FAAH2: variants seen among roughly 807,000 people sequenced by gnomAD.
FAAH2 encodes the protein fatty acid amide hydrolase 2.
In FAAH2, 60 loss-of-function variants were observed where a neutral mutation model predicts 36.9. The ratio of observed to expected loss-of-function variants is 1.63; its 90% confidence interval spans 1.32 to 2.02. The LOEUF (loss-of-function observed/expected upper bound fraction) is 2.02. Ranked by LOEUF, FAAH2 falls within the 30% of genes most tolerant of loss-of-function variation. The pLI is 0.00. For missense variants in FAAH2, 689 were observed against 397.5 expected (o/e 1.73, Z -6.23); for synonymous variants, 214 against 143.8 (o/e 1.49, Z -3.49).
intron 5 of FAAH2, among the ~76,000 whole-genome samples, chrX:57,345,035 T>C (rs2053783585): frequency 9.0e-6 from 1 of 110,549 alleles, no homozygotes; most frequent in Non-Finnish European, 1.9e-5. Flanking sequence ...AGGGATATAG[T>C]CATGACTTTT....
chrX:57,207,554 G>C, the FAAH2 span, among the ~76,000 whole-genome samples: 2 of 112,104 alleles, frequency 1.8e-5, no homozygotes, highest in Non-Finnish European at 3.8e-5. Context: ...AAATCCTCCT[G>C]TTCGTTTAGT....
At chrX:57,279,265 T>C in the FAAH2 span, among the ~76,000 whole-genome samples, 1 of 112,558 alleles carries the variant, frequency 8.9e-6, no homozygotes, top group Non-Finnish European at 1.9e-5. Context: ...TGGAATACTA[T>C]GCAGCCATAA....
At chrX:57,264,220 C>T in the FAAH2 span, among the ~76,000 whole-genome samples, 1 of 111,467 alleles carries the variant, frequency 9.0e-6, no homozygotes, top group South Asian at 3.7e-4. Flanking sequence ...ATCAATTGTA[C>T]CAGACCAACA....
Position 57,434,817 on chromosome X carries a change from A to G in FAAH2, c.1116+2780A>G, listed in dbSNP as rs150485263. On this transcript the variant is annotated intron_variant, in intron 8 of 10. Transcript: ENST00000374900. Reference sequence around the variant, plus strand: ...CCAAGACAAATACATTGCAAAAGGCATATTAAATCAGTATATCTAAAGTCA... The same window carrying G: ...CCAAGACAAATACATTGCAAAAGGCGTATTAAATCAGTATATCTAAAGTCA... 7.2e-3 allele frequency among the ~76,000 whole-genome samples: 801 copies of G among 111,565 alleles called. 4 individuals carry two copies. The highest frequency in any genetic ancestry group is 0.012 in the South Asian group (32 of 2,675).
chrX:57,296,024 G>A (rs1479737778), intron 2 of FAAH2, among the ~76,000 whole-genome samples: 1 of 112,413 alleles, frequency 8.9e-6, no homozygotes, highest in East Asian at 2.8e-4. Context: ...CCACCTCTGG[G>A]GGCAGGACAC....
intron 7 of FAAH2, among the ~76,000 whole-genome samples, chrX:57,382,785 C>T (rs2054890817): frequency 9.0e-6 from 1 of 111,147 alleles, no homozygotes; most frequent in African/African-American, 3.3e-5. Context: ...GAAACTATTC[C>T]AATCAATAGA....
At chrX:57,341,201 A>G (rs2053676924) in intron 4 of FAAH2, 70 bp from the exon 5 acceptor site, 1 of 1,084,563 alleles carries the variant, frequency 9.2e-7, no homozygotes, top group Non-Finnish European at 1.2e-6. Context: ...AAGTGAAAAG[A>G]TGGAAAAAGA....
intron 3 of FAAH2, among the ~76,000 whole-genome samples, chrX:57,311,711 T>C (rs1430114364): frequency 8.9e-6 from 1 of 112,312 alleles, no homozygotes; most frequent in Non-Finnish European, 1.9e-5. Flanking sequence ...ACTCCCAGCA[T>C]CCATGCCTAG....
At chrX:57,132,477 G>A in the FAAH2 span, among the ~76,000 whole-genome samples, 1 of 111,968 alleles carries the variant, frequency 8.9e-6, no homozygotes, top group African/African-American at 3.2e-5. Context: ...ATCTTCAAAG[G>A]AAGACCAGAA....
At chrX:57,149,240 C>A in the FAAH2 span, among the ~76,000 whole-genome samples, 4 of 111,137 alleles carry the variant, frequency 3.6e-5, no homozygotes, top group African/African-American at 9.8e-5. Flanking sequence ...TGTCTCTGCC[C>A]GGCTTTGGTA....
intron 5 of FAAH2, among the ~76,000 whole-genome samples, chrX:57,345,128 T>C (rs2053787147): frequency 2.8e-5 from 3 of 108,872 alleles, no homozygotes; most frequent in Admixed American, 9.9e-5. Context: ...TCAATTTTTT[T>C]TTTTTTTTGG....
chrX:57,275,870 T>G, the FAAH2 span, among the ~76,000 whole-genome samples: 6 of 111,922 alleles, frequency 5.4e-5, no homozygotes, highest in Non-Finnish European at 7.5e-5. Context: ...CAAGAAGATC[T>G]AACTATCCTA....
the FAAH2 span, among the ~76,000 whole-genome samples, chrX:57,167,470 G>T: frequency 5.4e-5 from 6 of 111,892 alleles, no homozygotes; most frequent in Non-Finnish European, 1.9e-5. Context: ...GGCATTCACA[G>T]TTGTAACTAC....
intron 7 of FAAH2, among the ~76,000 whole-genome samples, chrX:57,421,165 G>A (rs1241593820): frequency 8.9e-6 from 1 of 112,182 alleles, no homozygotes; most frequent in Non-Finnish European, 1.9e-5. Flanking sequence ...GGTGTTTTTG[G>A]CCGGGTGAAG....
At chrX:57,287,120 G>A in intron 1 of FAAH2, 103 bp downstream of exon 1, 1 of 843,685 alleles carries the variant, frequency 1.2e-6, no homozygotes, top group Non-Finnish European at 1.6e-6. Context: ...TTCTCTACTA[G>A]GGCGACTTAG....
intron 3 of FAAH2, among the ~76,000 whole-genome samples, chrX:57,314,472 G>T (rs1046182448): frequency 9.0e-6 from 1 of 111,060 alleles, no homozygotes; most frequent in Non-Finnish European, 1.9e-5. Flanking sequence ...TACTCTACAC[G>T]GTCAGTCATA....
chrX:57,424,591 C>T (rs1024060358), intron 7 of FAAH2, among the ~76,000 whole-genome samples: 8 of 111,679 alleles, frequency 7.2e-5, no homozygotes, highest in African/African-American at 2.6e-4. Flanking sequence ...GCTACTACAA[C>T]CAGCATTTGA....
chrX:57,488,647 G>A (rs1003388188), intron 10 of FAAH2, 110 bp from the exon 11 acceptor site: 11 of 779,875 alleles, frequency 1.4e-5, no homozygotes, highest in African/African-American at 1.1e-4. Context: ...TAAGTAGATA[G>A]TAAATTATAA....
At chrX:57,386,998 T>C (rs947920264) in intron 7 of FAAH2, among the ~76,000 whole-genome samples, 3 of 112,394 alleles carry the variant, frequency 2.7e-5, no homozygotes, top group Non-Finnish European at 5.6e-5. Context: ...TAGAACAGGC[T>C]CTAGTGAAGA....
Sources: allele counts gnomAD v4.1 joint callset (sites outside exome capture counted in the v4.1 genomes callset), GRCh38; gene constraint gnomAD v4.1.1; transcripts MANE v1.5; gene names NCBI Gene and HGNC (gene_info 2026-07-23, HGNC 2026-07-21).